EYS: variants seen among roughly 807,000 people sequenced by gnomAD.
EYS encodes the protein protein eyes shut homolog.
In EYS, 250 loss-of-function variants were observed where a neutral mutation model predicts 282.1. The observed-to-expected ratio is 0.89, with a 90% CI of 0.80 to 0.98. EYS has a LOEUF of 0.98. Ranked by LOEUF, EYS falls within the 50% of genes least tolerant of loss-of-function variation. The probability of loss-of-function intolerance (pLI) is 0.00; values close to 1 mark genes in which losing one functional copy is unlikely to be tolerated. For missense variants in EYS, 4,016 were observed against 3,709.0 expected, an observed-to-expected ratio of 1.08 and a Z score of -2.15; for synonymous variants, 1,355 against 1,282.9, an observed-to-expected ratio of 1.06 and a Z score of -1.20.
intron 2 of EYS, among the ~76,000 whole-genome samples, chr6:65,600,092 G>GC (rs1383858677): frequency 2.6e-5 from 4 of 151,998 alleles, no homozygotes; most frequent in African/African-American, 9.7e-5. Flanking sequence ...TCACTTATGA[G>GC]CTCTCACTAT....
chr6:65,056,749 A>T (rs1178163397), intron 13 of EYS, among the ~76,000 whole-genome samples: 1 of 152,146 alleles, frequency 6.6e-6, no homozygotes, highest in African/African-American at 2.4e-5. Context: ...ATTTGTTAGA[A>T]CATTGTTGGA....
chr6:64,948,589 A>G (rs1382480838), intron 14 of EYS, among the ~76,000 whole-genome samples: 2 of 146,876 alleles, frequency 1.4e-5, no homozygotes, highest in Non-Finnish European at 3.0e-5. Context: ...ATATTAAGTA[A>G]TTATTAAATA....
chr6:64,745,755 G>T lies in EYS; in HGVS notation c.3443+67623C>A, dbSNP rs183399602. On this transcript the variant is annotated intron_variant, in intron 22 of 42. Transcript: ENST00000503581. Reference sequence around the variant, plus strand: ...CTTATGGTTTTTGAAATCTTATAAAGGTTCTCCATTGGCAAGCATTATAGC... The same window carrying T: ...CTTATGGTTTTTGAAATCTTATAAATGTTCTCCATTGGCAAGCATTATAGC... Among the ~76,000 whole-genome samples the T allele has an allele frequency of 2.7e-4, 41 of 152,174 alleles. No homozygotes were observed. The East Asian group carries it at 4.1e-3, about 15-fold the overall frequency.
intron 1 of EYS, among the ~76,000 whole-genome samples, chr6:65,644,361 C>A (rs1424781392): frequency 6.6e-6 from 1 of 152,066 alleles, no homozygotes; most frequent in African/African-American, 2.4e-5. Flanking sequence ...CCCAATCCAT[C>A]AAAGACAAAA....
At chr6:64,031,357 C>A (rs1342550324) in intron 33 of EYS, among the ~76,000 whole-genome samples, 2 of 152,230 alleles carry the variant, frequency 1.3e-5, no homozygotes, top group Non-Finnish European at 2.9e-5. Flanking sequence ...TCCCATGGGG[C>A]AGGACTGCGG....
chr6:64,543,224 T>C (rs1000163400), intron 26 of EYS, among the ~76,000 whole-genome samples: 1 of 152,098 alleles, frequency 6.6e-6, no homozygotes, highest in Non-Finnish European at 1.5e-5. Context: ...AGTTTTGTAT[T>C]CCCCTTTGAC....
intron 5 of EYS, among the ~76,000 whole-genome samples, chr6:65,463,192 G>T (rs1391239390): frequency 6.6e-6 from 1 of 151,978 alleles, no homozygotes; most frequent in Admixed American, 6.6e-5. Context: ...ACTCTTACTT[G>T]CTTATCTGAC....
chr6:65,680,537 T>C (rs889992513), intron 1 of EYS, among the ~76,000 whole-genome samples: 3 of 151,994 alleles, frequency 2.0e-5, no homozygotes, highest in Non-Finnish European at 4.4e-5. Context: ...TTTTGTTTTC[T>C]AAGATTCAAG....
rs569131404 is a variant in EYS, at chr6:65,605,263, C to G, written c.-333+34515G>C. Among the ~76,000 whole-genome samples, 83 of 151,228 alleles carry G rather than the reference C, an allele frequency of 5.5e-4. 1 individual carries two copies. Among genetic ancestry groups the G allele is most frequent in the African/African-American group, 1.9e-3 (78 of 41,236 alleles). On this transcript the variant is annotated intron_variant, in intron 2 of 42. Coordinates refer to ENST00000503581, the MANE Select transcript of EYS (RefSeq NM_001142800.2). ...AAAATTGCATTGACATGAATGGTAT[C>G]AACAAAAAATTTAAAATAAACACAC...
chr6:65,655,649 G>GT (rs1013520570), intron 1 of EYS, among the ~76,000 whole-genome samples: 2 of 151,688 alleles, frequency 1.3e-5, no homozygotes, highest in Admixed American at 6.6e-5. Flanking sequence ...GATGCTGTGT[G>GT]TTTTTTTATT....
intron 12 of EYS, among the ~76,000 whole-genome samples, chr6:65,143,811 A>T (rs1361949564): frequency 6.6e-6 from 1 of 152,054 alleles, no homozygotes; most frequent in African/African-American, 2.4e-5. Context: ...TGGCTCATTT[A>T]TCTTTATTCT....
chr6:63,728,562 C>G (rs1008759640), intron 41 of EYS, among the ~76,000 whole-genome samples: 5 of 152,184 alleles, frequency 3.3e-5, no homozygotes, highest in African/African-American at 9.7e-5. Flanking sequence ...AAATGGATGA[C>G]TCTATATTGA....
intron 12 of EYS, among the ~76,000 whole-genome samples, chr6:65,075,454 A>G (rs1206953158): frequency 6.6e-6 from 1 of 152,024 alleles, no homozygotes; most frequent in East Asian, 1.9e-4. Flanking sequence ...ATAACAATAT[A>G]GTTGCTAATT....
At chr6:64,788,856 T>C (rs1179128904) in intron 22 of EYS, among the ~76,000 whole-genome samples, 1 of 152,204 alleles carries the variant, frequency 6.6e-6, no homozygotes, top group Non-Finnish European at 1.5e-5. Context: ...TGGAATTACA[T>C]TTTTAATAAA....
At chr6:65,329,472 C>T in intron 11 of EYS, 1 of 971,190 alleles carries the variant, frequency 1.0e-6, no homozygotes, top group Non-Finnish European at 1.2e-6. Flanking sequence ...ATGTAAGTGC[C>T]TTAGACAAAA....
chr6:64,380,674 A>G (rs984628698), intron 29 of EYS, among the ~76,000 whole-genome samples: 1 of 152,156 alleles, frequency 6.6e-6, no homozygotes, highest in Admixed American at 6.6e-5. Flanking sequence ...TTAAATTGCT[A>G]TACACCAAAT....
chr6:65,021,428 T>C (rs1360669735), intron 13 of EYS, among the ~76,000 whole-genome samples: 1 of 152,186 alleles, frequency 6.6e-6, no homozygotes, highest in Non-Finnish European at 1.5e-5. Flanking sequence ...TGAGACCACC[T>C]CAGCCTCAAC....
At chr6:65,014,320 C>G (rs1583398682) in intron 13 of EYS, among the ~76,000 whole-genome samples, 1 of 152,176 alleles carries the variant, frequency 6.6e-6, no homozygotes, top group African/African-American at 2.4e-5. Flanking sequence ...CTCAGTTAAA[C>G]CATTCACAGA....
intron 29 of EYS, among the ~76,000 whole-genome samples, chr6:64,335,241 CT>C (rs1770798744): frequency 1.4e-5 from 2 of 147,966 alleles, no homozygotes; most frequent in South Asian, 4.5e-4. Context: ...CAAAGTGTGA[CT>C]CCCCCCACCC....
Sources: allele counts gnomAD v4.1 joint callset (sites outside exome capture counted in the v4.1 genomes callset), GRCh38; gene constraint gnomAD v4.1.1; transcripts MANE v1.5; gene names NCBI Gene and HGNC (gene_info 2026-07-23, HGNC 2026-07-21).